SEM1: variants seen among roughly 807,000 people sequenced by gnomAD.
The protein encoded by SEM1 is 26S proteasome complex subunit SEM1.
SEM1 carries 3 observed loss-of-function variants against 12.7 expected under a neutral mutation model. The observed-to-expected ratio is 0.24, with a 90% CI of 0.11 to 0.61. The LOEUF (loss-of-function observed/expected upper bound fraction) is 0.61, where lower values mean the gene tolerates loss of function less well. Ranked by LOEUF, SEM1 falls within the 20% of genes least tolerant of loss-of-function variation. The pLI is 0.88. For missense variants in SEM1, 59 were observed against 81.3 expected, an observed-to-expected ratio of 0.73 and a Z score of 1.06; for synonymous variants, 30 against 27.8, an observed-to-expected ratio of 1.08 and a Z score of -0.25.
At chr7:96,584,427 A>C (rs1379126837) in intron 2 of SEM1, among the ~76,000 whole-genome samples, 23 of 152,026 alleles carry the variant, frequency 1.5e-4, no homozygotes, top group African/African-American at 4.3e-4. Flanking sequence ...AACTTTGGTG[A>C]ATCTGACAAT....
chr7:96,559,113 C>T (rs543643677), intron 2 of SEM1, among the ~76,000 whole-genome samples: 140 of 152,274 alleles, frequency 9.2e-4, no homozygotes, highest in Middle Eastern at 6.8e-3. Context: ...GGGATACACA[C>T]GTTAACATCT....
intron 3 of SEM1, chr7:96,484,789 AC>A: frequency 8.1e-7 from 1 of 1,236,060 alleles, no homozygotes; most frequent in South Asian, 1.3e-5. Context: ...CAGAAAAGTT[AC>A]CCATTTATAT....
downstream of SEM1, among the ~76,000 whole-genome samples, chr7:96,685,975 G>A (rs1374854616): frequency 2.0e-5 from 3 of 151,986 alleles, no homozygotes; most frequent in African/African-American, 7.2e-5. Flanking sequence ...CAGAACTCAT[G>A]CACTTTCCAA....
intron 1 of SEM1, among the ~76,000 whole-genome samples, chr7:96,495,591 T>G (rs781719416): frequency 3.3e-5 from 5 of 152,210 alleles, no homozygotes; most frequent in Admixed American, 1.3e-4. Context: ...TAAACTATTG[T>G]TCTGGCTTGG....
chr7:96,597,032 G>A (rs1413794702), intron 2 of SEM1, among the ~76,000 whole-genome samples: 3 of 152,120 alleles, frequency 2.0e-5, no homozygotes, highest in African/African-American at 7.2e-5. Context: ...AATGGGGAGT[G>A]TTTTGAGGGG....
intron 2 of SEM1, among the ~76,000 whole-genome samples, chr7:96,549,093 G>A (rs1364378896): frequency 2.0e-5 from 3 of 152,280 alleles, no homozygotes; most frequent in East Asian, 1.9e-4. Context: ...GCTGGCAAGA[G>A]GTAATCCACT....
At chr7:96,611,342 C>A (rs79049039) in intron 2 of SEM1, among the ~76,000 whole-genome samples, 1 of 152,032 alleles carries the variant, frequency 6.6e-6, no homozygotes, top group Admixed American at 6.6e-5. Flanking sequence ...TTGGATAAAC[C>A]CAGCTATCAA....
downstream of SEM1, among the ~76,000 whole-genome samples, chr7:96,621,358 T>C (rs1016238350): frequency 2.6e-5 from 4 of 152,210 alleles, no homozygotes; most frequent in African/African-American, 9.7e-5. Context: ...CCAAAAAGTT[T>C]CCATTTTGTT....
At chr7:96,565,873 A>G (rs1022633370) in intron 2 of SEM1, among the ~76,000 whole-genome samples, 20 of 151,858 alleles carry the variant, frequency 1.3e-4, no homozygotes, top group African/African-American at 4.6e-4. Flanking sequence ...GATCTTCTTC[A>G]CAAGATAGCT....
At chr7:96,575,866 A>G (rs769942961) in intron 2 of SEM1, among the ~76,000 whole-genome samples, 4 of 152,356 alleles carry the variant, frequency 2.6e-5, no homozygotes, top group Non-Finnish European at 5.9e-5. Flanking sequence ...AAGGAACTCA[A>G]ATAACTCACC....
In SEM1 at chr7:96,588,380, A is replaced by AT. The variant is rs1563074118; in HGVS notation, c.171-81683_171-81682insA. On this transcript the variant is annotated intron_variant and NMD_transcript_variant, in intron 2 of 3. Coordinates refer to the SEM1 transcript ENST00000466986. ...CACACACACACACACACACACACACACACACACACACACACACGAGAGAGA... is the reference window on the plus strand; with the variant it reads ...CACACACACACACACACACACACACATCACACACACACACACACGAGAGAGA... Among the ~76,000 whole-genome samples the AT allele has an allele frequency of 8.4e-5, 10 of 119,628 alleles. No individual in the cohort carries two copies. In the East Asian group the frequency reaches 2.4e-3, roughly 29 times the overall value. 78.5% of individuals were successfully genotyped at this position (119,628 alleles called of 152,430 possible).
chr7:96,604,844 A>G (rs775369710), intron 2 of SEM1, among the ~76,000 whole-genome samples: 1 of 151,976 alleles, frequency 6.6e-6, no homozygotes, highest in Non-Finnish European at 1.5e-5. Context: ...TCTTGAACCC[A>G]GTAGGCAGAG....
chr7:96,537,064 A>G (rs1178277820), intron 2 of SEM1, among the ~76,000 whole-genome samples: 1 of 151,736 alleles, frequency 6.6e-6, no homozygotes, highest in Non-Finnish European at 1.5e-5. Flanking sequence ...ATATTATTGT[A>G]TCAATTTTAC....
chr7:96,599,281 G>A (rs993215246), intron 2 of SEM1, among the ~76,000 whole-genome samples: 2 of 152,034 alleles, frequency 1.3e-5, no homozygotes, highest in Middle Eastern at 3.4e-3. Flanking sequence ...TTCTACAAAG[G>A]TATTGGTGAC....
At chr7:96,611,844 A>G (rs1352512613) in intron 2 of SEM1, among the ~76,000 whole-genome samples, 2 of 152,142 alleles carry the variant, frequency 1.3e-5, no homozygotes, top group Admixed American at 1.3e-4. Context: ...ATAAATTATT[A>G]TCTTGTTTAC....
chr7:96,579,470 T>C (rs1286282984), intron 2 of SEM1, among the ~76,000 whole-genome samples: 1 of 152,190 alleles, frequency 6.6e-6, no homozygotes, highest in African/African-American at 2.4e-5. Flanking sequence ...AAGAACTGAA[T>C]TAGAATGTAA....
intron 2 of SEM1, among the ~76,000 whole-genome samples, chr7:96,624,058 T>G (rs1473574204): frequency 6.6e-6 from 1 of 152,190 alleles, no homozygotes; most frequent in Non-Finnish European, 1.5e-5. Context: ...TAATTACATT[T>G]GCAAAGACCC....
intron 2 of SEM1, among the ~76,000 whole-genome samples, chr7:96,507,957 C>A (rs1803809415): frequency 6.6e-6 from 1 of 152,088 alleles, no homozygotes; most frequent in South Asian, 2.1e-4. Context: ...TCCAGTTTTC[C>A]ATTCTGTTTC....
intron 2 of SEM1, among the ~76,000 whole-genome samples, chr7:96,556,918 C>G (rs1200927665): frequency 1.4e-5 from 2 of 145,952 alleles, no homozygotes; most frequent in Non-Finnish European, 3.0e-5. Context: ...CTAAACTTCC[C>G]TTCTCGCTTC....
Sources: gnomAD v4.1 joint callset for allele counts (sites outside exome capture counted in the v4.1 genomes callset) on GRCh38, gnomAD v4.1.1 for gene constraint, MANE v1.5 for transcripts, NCBI Gene and HGNC (gene_info 2026-07-23, HGNC 2026-07-21) for gene names.